The following MEI4 variants were observed in gnomAD, a reference collection of about 807,000 sequenced individuals.
The protein encoded by MEI4 is meiotic double-stranded break formation protein 4, also known as meiosis-specific protein MEI4.
A neutral mutation model predicts 31.4 loss-of-function variants in MEI4; 27 were observed. The ratio of observed to expected loss-of-function variants is 0.86; its 90% CI spans 0.63 to 1.19. The LOEUF (loss-of-function observed/expected upper bound fraction) is 1.19, where lower values mean the gene tolerates loss of function less well. Ranked by LOEUF, MEI4 falls within the 50% of genes most tolerant of loss-of-function variation. MEI4 has a pLI of 0.00. For missense variants in MEI4, 329 were observed against 398.9 expected, an observed-to-expected ratio of 0.82 and a Z score of 1.49; for synonymous variants, 122 against 145.4, an observed-to-expected ratio of 0.84 and a Z score of 1.16.
intron 4 of MEI4, among the ~76,000 whole-genome samples, chr6:77,885,923 A>T (rs1771608459): frequency 6.6e-6 from 1 of 151,796 alleles, no homozygotes; most frequent in Non-Finnish European, 1.5e-5. Flanking sequence ...TAAGATTATA[A>T]TTTTTTTCCT....
At chr6:77,832,795 G>T (rs1338943062) in intron 4 of MEI4, among the ~76,000 whole-genome samples, 1 of 152,064 alleles carries the variant, frequency 6.6e-6, no homozygotes, top group Non-Finnish European at 1.5e-5. Context: ...TCAGTTATTT[G>T]TATTTCACTA....
chr6:77,865,835 A>G (rs1771011524), intron 4 of MEI4, among the ~76,000 whole-genome samples: 1 of 152,190 alleles, frequency 6.6e-6, no homozygotes, highest in Non-Finnish European at 1.5e-5. Flanking sequence ...CCTCAATAAA[A>G]TACTGGCAAA....
intron 2 of MEI4, among the ~76,000 whole-genome samples, chr6:77,740,526 C>G (rs930087536): frequency 5.9e-5 from 9 of 152,080 alleles, no homozygotes; most frequent in Non-Finnish European, 1.2e-4. Flanking sequence ...TTGCTTTAAA[C>G]TGAAACACTC....
intron 4 of MEI4, 120 bp from the exon 5 acceptor site, chr6:77,922,969 C>G (rs1562041172): frequency 4.1e-6 from 2 of 486,264 alleles, no homozygotes; most frequent in African/African-American, 2.0e-5. Flanking sequence ...GACAGGATGA[C>G]AGAAGGTGTT....
At chr6:77,830,509 C>A (rs1373741567) in intron 4 of MEI4, among the ~76,000 whole-genome samples, 1 of 151,990 alleles carries the variant, frequency 6.6e-6, no homozygotes, top group Non-Finnish European at 1.5e-5. Flanking sequence ...AGCCATAATT[C>A]AAACCCAGAT....
At chr6:77,758,805 A>G (rs1029091730) in intron 2 of MEI4, among the ~76,000 whole-genome samples, 11 of 151,786 alleles carry the variant, frequency 7.2e-5, no homozygotes, top group African/African-American at 1.5e-4. Flanking sequence ...TTTGTTTTTA[A>G]TTGCTCATTT....
At chr6:77,701,721 A>G (rs1277413919) in intron 2 of MEI4, among the ~76,000 whole-genome samples, 1 of 152,128 alleles carries the variant, frequency 6.6e-6, no homozygotes, top group Non-Finnish European at 1.5e-5. Flanking sequence ...GGCCAGAGTG[A>G]AAAGAAAGTA....
chr6:77,843,561 A>G (rs1303430645), intron 4 of MEI4, among the ~76,000 whole-genome samples: 1 of 151,932 alleles, frequency 6.6e-6, no homozygotes, highest in Non-Finnish European at 1.5e-5. Flanking sequence ...TTACAGAACA[A>G]GTTGTTCAAA....
intron 4 of MEI4, among the ~76,000 whole-genome samples, chr6:77,850,390 A>G (rs1265072595): frequency 2.6e-5 from 4 of 152,192 alleles, no homozygotes; most frequent in Non-Finnish European, 5.9e-5. Flanking sequence ...AACTTATACT[A>G]CAAGGCCACA....
intron 4 of MEI4, among the ~76,000 whole-genome samples, chr6:77,868,311 A>G (rs1366311722): frequency 2.0e-5 from 3 of 151,418 alleles, no homozygotes; most frequent in African/African-American, 7.3e-5. Flanking sequence ...CTGGTTGCAA[A>G]TCTTATACTG....
chr6:77,666,387 A>T (rs1255748507), intron 1 of MEI4, among the ~76,000 whole-genome samples: 1 of 152,180 alleles, frequency 6.6e-6, no homozygotes, highest in Non-Finnish European at 1.5e-5. Context: ...ATCTGGATGT[A>T]TACGTGCAAG....
At chr6:77,738,074 T>C (rs1767300484) in intron 2 of MEI4, among the ~76,000 whole-genome samples, 1 of 152,190 alleles carries the variant, frequency 6.6e-6, no homozygotes, top group South Asian at 2.1e-4. Context: ...TCCACGAAAC[T>C]GGAATGAGGG....
intron 3 of MEI4, among the ~76,000 whole-genome samples, chr6:77,788,034 T>G (rs1179097980): frequency 6.6e-6 from 1 of 152,144 alleles, no homozygotes; most frequent in East Asian, 1.9e-4. Context: ...TTAGGGAGGA[T>G]TCCCTCTTTT....
At chr6:77,685,718 G>A (rs1769042873) in intron 1 of MEI4, among the ~76,000 whole-genome samples, 1 of 151,970 alleles carries the variant, frequency 6.6e-6, no homozygotes, top group South Asian at 2.1e-4. Flanking sequence ...GTTGATTTTT[G>A]TATATGGTAT....
intron 1 of MEI4, among the ~76,000 whole-genome samples, chr6:77,658,748 T>C (rs1581995585): frequency 6.6e-6 from 1 of 152,006 alleles, no homozygotes; most frequent in East Asian, 1.9e-4. Flanking sequence ...AAACGGAAGA[T>C]ACAAGGTCCG....
At chr6:77,697,785 G>A (rs570298819) in intron 2 of MEI4, among the ~76,000 whole-genome samples, 15 of 152,210 alleles carry the variant, frequency 9.9e-5, no homozygotes, top group South Asian at 2.1e-4. Flanking sequence ...TATTAGGTCC[G>A]CTTGATACAG....
chr6:77,729,943 C>T lies in MEI4; in HGVS notation c.233-31187C>T, dbSNP rs147308854. 1.8e-3 allele frequency among the ~76,000 whole-genome samples: 268 copies of T among 152,008 alleles called. 3 individuals carry two copies. In the East Asian group the frequency reaches 0.033, roughly 19 times the overall value. ...CCTGAGTTGCCTAGCAAGGGAGGCT[C>T]GGGAGAACAACTCAGTCTAAAGGTA... is the stretch of plus-strand genomic sequence containing the variant. On this transcript the variant is annotated intron_variant, in intron 2 of 4. Transcript: ENST00000684080.
At chr6:77,839,828 G>A (rs1434744535) in intron 4 of MEI4, among the ~76,000 whole-genome samples, 1 of 152,156 alleles carries the variant, frequency 6.6e-6, no homozygotes, top group Non-Finnish European at 1.5e-5. Flanking sequence ...TTAGTAGTCA[G>A]TGTGTCACAA....
At chr6:77,902,945 G>C (rs1766215794) in intron 4 of MEI4, among the ~76,000 whole-genome samples, 1 of 152,134 alleles carries the variant, frequency 6.6e-6, no homozygotes, top group Non-Finnish European at 1.5e-5. Context: ...GGATGCATGT[G>C]CTCAAATTTG....
Sources: allele counts gnomAD v4.1 joint callset (sites outside exome capture counted in the v4.1 genomes callset), GRCh38; gene constraint gnomAD v4.1.1; transcripts MANE v1.5; gene names NCBI Gene and HGNC (gene_info 2026-07-23, HGNC 2026-07-21).